The following SPRYD4 variants were observed in gnomAD, a reference collection of about 807,000 sequenced individuals.
SPRYD4 encodes the protein SPRY domain-containing protein 4.
In SPRYD4, 12 loss-of-function variants were observed where a neutral mutation model predicts 16.6. The observed-to-expected ratio is 0.72, with a 90% confidence interval of 0.46 to 1.17. The LOEUF (loss-of-function observed/expected upper bound fraction) is 1.17, where lower values mean the gene tolerates loss of function less well. SPRYD4 is among the 50% of genes most tolerant of loss of function. The probability of loss-of-function intolerance (pLI) is 0.00; values close to 1 mark genes in which losing one functional copy is unlikely to be tolerated. For missense variants in SPRYD4, 260 were observed against 260.2 expected (o/e 1.00, Z 0.00); for synonymous variants, 98 against 105.4 (o/e 0.93, Z 0.43).
chr12:56,471,404 T>G lies in SPRYD4; in HGVS notation c.*1827T>G. ...GGTCCCCACTGAAGCAGTGTAGCTC[T>G]CCATAGTATTTTTGGTGGTTATGGA... On this transcript the variant is annotated 3_prime_UTR_variant, in exon 2 of 2. Transcript: ENST00000338146. 7.0e-7 allele frequency: 1 copy of G among 1,429,526 alleles called. No homozygotes were observed. The highest frequency in any genetic ancestry group is 2.3e-5 in the East Asian group (1 of 43,500). 88.6% of individuals were successfully genotyped at this position (1,429,526 alleles called of 1,614,324 possible). A position where few individuals can be genotyped will look rare whatever the true frequency, so the allele number is the denominator to read the frequency against.
Position 56,469,731 on chromosome 12 carries a change from C to T in SPRYD4, c.*154C>T, listed in dbSNP as rs10124. On this transcript the variant is annotated 3_prime_UTR_variant, in exon 2 of 2. Coordinates refer to ENST00000338146, the MANE Select transcript of SPRYD4 (RefSeq NM_207344.4). ...TCATGATCATCTTCCTCATCCCCTACCTTGTGAAAGCTAGGCATACAGCCA... is the reference window on the plus strand; with the variant it reads ...TCATGATCATCTTCCTCATCCCCTATCTTGTGAAAGCTAGGCATACAGCCA... The T allele has an allele frequency of 1.3e-6, 1 of 773,632 alleles. No homozygotes were observed. The highest frequency in any genetic ancestry group is 1.9e-5 in the South Asian group (1 of 52,342). 47.9% of individuals were successfully genotyped at this position (773,632 alleles called of 1,614,324 possible).
At position 56,479,294 on chromosome 12, in the gene SPRYD4, AACAGCTCTGTT is replaced by A; in HGVS notation, c.*9720_*9730del. 1 of 1,351,110 alleles carries A rather than the reference AACAGCTCTGTT, an allele frequency of 7.4e-7. No individual in the cohort carries two copies. The highest frequency in any genetic ancestry group is 2.5e-5 in the East Asian group (1 of 40,264). The allele number at this position is 1,351,110 out of a possible 1,614,324, so 83.7% of individuals were successfully genotyped here. Reference sequence around the variant, plus strand: ...TTGAGTGGTCTTCAGGTTTGGGATCAACAGCTCTGTTACCTTTGGCAAATCAGTTTACCTTT... The same window carrying A: ...TTGAGTGGTCTTCAGGTTTGGGATCAACCTTTGGCAAATCAGTTTACCTTT... On this transcript the variant is annotated 3_prime_UTR_variant, in exon 2 of 2. Transcript: ENST00000338146.
In SPRYD4 at chr12:56,472,956, C is replaced by T. The variant is rs1869438537; in HGVS notation, c.*3379C>T. ...AGGCTGAAGTGTAGTGGCGCGCGGT[C>T]TTGGCTCACTGCAACCTCTGCCTCC... On this transcript the variant is annotated 3_prime_UTR_variant, in exon 2 of 2. Coordinates refer to ENST00000338146, the MANE Select transcript of SPRYD4 (RefSeq NM_207344.4). The T allele has an allele frequency of 1.8e-6, 1 of 562,266 alleles. No individual in the cohort carries two copies. Among genetic ancestry groups the T allele is most frequent in the African/African-American group, 2.0e-5 (1 of 50,790 alleles). 34.8% of individuals were successfully genotyped at this position (562,266 alleles called of 1,614,324 possible).
Position 56,472,003 on chromosome 12 carries a change from G to A in SPRYD4, c.*2426G>A. 7.6e-7 allele frequency: 1 copy of A among 1,322,180 alleles called. No homozygotes were observed. The highest frequency in any genetic ancestry group is 1.1e-6 in the Non-Finnish European group (1 of 927,704). 81.9% of individuals were successfully genotyped at this position (1,322,180 alleles called of 1,614,324 possible). A position where few individuals can be genotyped will look rare whatever the true frequency, so the allele number is the denominator to read the frequency against. ...CTAGCTGCAAACCGAAGGGTGTCTA[G>A]ATAAAACTAGTTGCTGCCCCTATAA... On this transcript the variant is annotated 3_prime_UTR_variant, in exon 2 of 2. Coordinates refer to ENST00000338146, the MANE Select transcript of SPRYD4 (RefSeq NM_207344.4).
At position 56,475,443 on chromosome 12, in the gene SPRYD4, A is replaced by G. The variant is rs1869718608; in HGVS notation, c.*5866A>G. 1.4e-6 allele frequency: 1 copy of G among 719,400 alleles called. No individual in the cohort carries two copies. The highest frequency in any genetic ancestry group is 2.9e-5 in the Admixed American group (1 of 34,108). 44.6% of individuals were successfully genotyped at this position (719,400 alleles called of 1,614,324 possible). A position where few individuals can be genotyped will look rare whatever the true frequency, so the allele number is the denominator to read the frequency against. On this transcript the variant is annotated 3_prime_UTR_variant, in exon 2 of 2. Transcript: ENST00000338146. ...TCATTATGTACTAATTAGAAATGGA[A>G]CAAATTATTTTACAAGATAAACAAA... is the stretch of plus-strand genomic sequence containing the variant.
At position 56,469,277 on chromosome 12, in the gene SPRYD4, C is replaced by T; in HGVS notation, c.324C>T (p.Asp108=). 1 of 1,614,082 alleles carries T rather than the reference C, an allele frequency of 6.2e-7. No individual in the cohort carries two copies. Among genetic ancestry groups the T allele is most frequent in the Non-Finnish European group, 8.5e-7 (1 of 1,179,974 alleles). ...TCCGGATAGGAGTGGCAGATGTGGA[C>T]ATGTCCCGGGATAGCTGCATTGGTG... ...QQFRIGVADV[D]MSRDSCIGVD... is the part of the protein sequence containing the mutation. Residue 108 remains aspartate, a synonymous_variant, in exon 2 of 2, where the codon GAC becomes GAT. Coordinates refer to ENST00000338146, the MANE Select transcript of SPRYD4 (RefSeq NM_207344.4).
At position 56,475,208 on chromosome 12, in the gene SPRYD4, C is replaced by T. The variant is rs1319983302; in HGVS notation, c.*5631C>T. 1.2e-6 allele frequency: 2 copies of T among 1,603,332 alleles called. No homozygotes were observed. The highest frequency in any genetic ancestry group is 1.3e-5 in the African/African-American group (1 of 74,898). On this transcript the variant is annotated 3_prime_UTR_variant, in exon 2 of 2. Transcript: ENST00000338146. ...CCTGGAGAGACAGAACTACATCACA[C>T]CACAAACTAAATGAACCCCTTTATA...
rs1442983047 is a variant in SPRYD4, at chr12:56,475,169, G to A, written c.*5592G>A. 3.4e-5 allele frequency: 54 copies of A among 1,610,372 alleles called. No individual in the cohort carries two copies. The highest frequency in any genetic ancestry group is 4.1e-5 in the Non-Finnish European group (48 of 1,179,990). ...GGAGGAGTGGGTGTTGGGAGAAGGG[G>A]AAAAATTACCTTCCCTGGAGAGACA... On this transcript the variant is annotated 3_prime_UTR_variant, in exon 2 of 2. Transcript: ENST00000338146.
Position 56,470,715 on chromosome 12 carries a change from C to T in SPRYD4, c.*1138C>T, listed in dbSNP as rs992710375. 1 of 152,180 alleles carries T rather than the reference C, an allele frequency of 6.6e-6. No individual in the cohort carries two copies. The highest frequency in any genetic ancestry group is 2.4e-5 in the African/African-American group (1 of 41,446). The allele number at this position is 152,180 out of a possible 1,614,324, so 9.4% of individuals were successfully genotyped here. A position where few individuals can be genotyped will look rare whatever the true frequency, so the allele number is the denominator to read the frequency against. On this transcript the variant is annotated 3_prime_UTR_variant, in exon 2 of 2. Transcript: ENST00000338146. ...AAGGAGGCCTGAGGTTTTGCACAAT[C>T]TGTTTCAGAGCCTGTTTAGACTCAA... is the stretch of plus-strand genomic sequence containing the variant.
In SPRYD4 at chr12:56,473,131, C is replaced by T. The variant is rs182695823; in HGVS notation, c.*3554C>T. ...GTCTTGATCTCCTGACCTTGTGATC[C>T]GCCCGCCTTGGCCTCTCAAAGTGCA... On this transcript the variant is annotated 3_prime_UTR_variant, in exon 2 of 2. Transcript: ENST00000338146. 277 of 1,092,850 alleles carry T rather than the reference C, an allele frequency of 2.5e-4. 7 individuals carry two copies. In the South Asian group the frequency reaches 2.8e-3, roughly 11 times the overall value. 67.7% of individuals were successfully genotyped at this position (1,092,850 alleles called of 1,614,324 possible).
chr12:56,477,764 C>G lies in SPRYD4; in HGVS notation c.*8187C>G. On this transcript the variant is annotated 3_prime_UTR_variant, in exon 2 of 2. Transcript: ENST00000338146. ...AAGAGTCTTAGCCACTGAACAAAGC[C>G]TCCCTGACAGCCCGCTCACTTTGTG... 1 of 1,585,226 alleles carries G rather than the reference C, an allele frequency of 6.3e-7. No individual in the cohort carries two copies. The highest frequency in any genetic ancestry group is 8.6e-7 in the Non-Finnish European group (1 of 1,162,154).
In SPRYD4 at chr12:56,474,920, ATT is replaced by A; in HGVS notation, c.*5345_*5346del. 1 of 1,614,046 alleles carries A rather than the reference ATT, an allele frequency of 6.2e-7. No homozygotes were observed. The highest frequency in any genetic ancestry group is 1.1e-5 in the South Asian group (1 of 91,084). On this transcript the variant is annotated 3_prime_UTR_variant, in exon 2 of 2. Coordinates refer to ENST00000338146, the MANE Select transcript of SPRYD4 (RefSeq NM_207344.4). ...CACTGCAAGGAAGAGAGGGGAGAGC[ATT>A]TCTCTTCAGGACATCAGCCCTTTCA...
rs759851738 is a variant in SPRYD4 at position 56,471,657 on chromosome 12, T to C, written c.*2080T>C. On this transcript the variant is annotated 3_prime_UTR_variant, in exon 2 of 2. Coordinates refer to ENST00000338146, the MANE Select transcript of SPRYD4 (RefSeq NM_207344.4). ...ATGTTGCCCCACCTGAGAGGAATAA[T>C]GATATGATCAGGCAAAGGAGACGTG... is the stretch of plus-strand genomic sequence containing the variant. 6.2e-7 allele frequency: 1 copy of C among 1,613,852 alleles called. No homozygotes were observed. Among genetic ancestry groups the C allele is most frequent in the Non-Finnish European group, 8.5e-7 (1 of 1,179,816 alleles).
Position 56,469,868 on chromosome 12 carries a change from C to A in SPRYD4, c.*291C>A. ...TCTGCCTCCCTTTGCCCAGGCCTTTCTCAGACTGTATTCCATCCTGGGGTC... is the reference window on the plus strand; with the variant it reads ...TCTGCCTCCCTTTGCCCAGGCCTTTATCAGACTGTATTCCATCCTGGGGTC... On this transcript the variant is annotated 3_prime_UTR_variant, in exon 2 of 2. Transcript: ENST00000338146. 4.6e-6 allele frequency: 2 copies of A among 430,514 alleles called. No individual in the cohort carries two copies. The highest frequency in any genetic ancestry group is 8.5e-6 in the Non-Finnish European group (2 of 235,278). 26.7% of individuals were successfully genotyped at this position (430,514 alleles called of 1,614,324 possible). A position where few individuals can be genotyped will look rare whatever the true frequency, so the allele number is the denominator to read the frequency against.
chr12:56,475,284 G>T lies in SPRYD4; in HGVS notation c.*5707G>T. 6.7e-7 allele frequency: 1 copy of T among 1,485,288 alleles called. No individual in the cohort carries two copies. The highest frequency in any genetic ancestry group is 9.1e-7 in the Non-Finnish European group (1 of 1,104,832). The allele number at this position is 1,485,288 out of a possible 1,614,324, so 92.0% of individuals were successfully genotyped here. A position where few individuals can be genotyped will look rare whatever the true frequency, so the allele number is the denominator to read the frequency against. ...ATTTCTGAACCTGAGCAAACACTCA[G>T]CATAGTTTTGTTATAAAGTAAACCC... is the stretch of plus-strand genomic sequence containing the variant. On this transcript the variant is annotated 3_prime_UTR_variant, in exon 2 of 2. Transcript: ENST00000338146.
chr12:56,469,176 G>GC lies in SPRYD4; in HGVS notation c.224dup (p.Val76SerfsTer38). On this transcript the variant is annotated frameshift_variant, in exon 2 of 2. Coordinates refer to ENST00000338146, the MANE Select transcript of SPRYD4 (RefSeq NM_207344.4). LOFTEE classifies it high-confidence loss of function. ...GAATGTGGAGCGCTTCCGGGAGTGGGCAGTGGTGCTGGCAGACACAGCGGT... is the reference window on the plus strand; with the variant it reads ...GAATGTGGAGCGCTTCCGGGAGTGGGCCAGTGGTGCTGGCAGACACAGCGGT... 1 of 1,614,182 alleles carries GC rather than the reference G, an allele frequency of 6.2e-7. No individual in the cohort carries two copies. The highest frequency in any genetic ancestry group is 8.5e-7 in the Non-Finnish European group (1 of 1,180,026).
rs1869902020 is a variant in SPRYD4, at chr12:56,477,225, A to C, written c.*7648A>C. 6.5e-6 allele frequency: 1 copy of C among 154,426 alleles called. No individual in the cohort carries two copies. Among genetic ancestry groups the C allele is most frequent in the Non-Finnish European group, 1.4e-5 (1 of 69,606 alleles). The allele number at this position is 154,426 out of a possible 1,614,324, so 9.6% of individuals were successfully genotyped here. On this transcript the variant is annotated 3_prime_UTR_variant, in exon 2 of 2. Transcript: ENST00000338146. The stretch of plus-strand genomic sequence containing the variant: ...CTAGTCTGACACCCTGTTCAAGGCC[A>C]ACTCACAGTTCCAGGTGACGTGAAT...
chr12:56,475,944 C>G lies in SPRYD4; in HGVS notation c.*6367C>G. The G allele has an allele frequency of 1.2e-6, 2 of 1,613,724 alleles. No individual in the cohort carries two copies. Among genetic ancestry groups the G allele is most frequent in the Non-Finnish European group, 1.7e-6 (2 of 1,179,946 alleles). ...AGGGGCTAAGTAGCAAGGGAACTTA[C>G]AAAATCAAACTTCTCTGCTTTGTTA... On this transcript the variant is annotated 3_prime_UTR_variant, in exon 2 of 2. Transcript: ENST00000338146.
Position 56,472,995 on chromosome 12 carries a change from T to A in SPRYD4, c.*3418T>A. On this transcript the variant is annotated 3_prime_UTR_variant, in exon 2 of 2. Transcript: ENST00000338146. ...ACCTCTGCCTCCCGGTTTCAAGCGATTCTCCTGCCTCAGCCTCCCAAGTAG... is the reference window on the plus strand; with the variant it reads ...ACCTCTGCCTCCCGGTTTCAAGCGAATCTCCTGCCTCAGCCTCCCAAGTAG... The A allele has an allele frequency of 1.7e-6, 1 of 582,862 alleles. No homozygotes were observed. The highest frequency in any genetic ancestry group is 3.0e-6 in the Non-Finnish European group (1 of 335,270). The allele number at this position is 582,862 out of a possible 1,614,324, so 36.1% of individuals were successfully genotyped here.
Sources: allele counts gnomAD v4.1 joint callset, GRCh38; gene constraint gnomAD v4.1.1; transcripts MANE v1.5; gene names NCBI Gene and HGNC (gene_info 2026-07-23, HGNC 2026-07-21).